Variants in C12orf42 observed in about 807,000 individuals in gnomAD.
C12orf42 encodes the protein chromosome 12 open reading frame 42.
A neutral mutation model predicts 21.6 loss-of-function variants in C12orf42; 25 were observed. The ratio of observed to expected loss-of-function variants is 1.16; its 90% confidence interval spans 0.84 to 1.62. The LOEUF (loss-of-function observed/expected upper bound fraction) is 1.62. Ranked by LOEUF, C12orf42 falls within the 40% of genes most tolerant of loss-of-function variation. The probability of loss-of-function intolerance (pLI) is 0.00; values close to 1 mark genes in which losing one functional copy is unlikely to be tolerated. For missense variants in C12orf42, 483 were observed against 459.3 expected (o/e 1.05, Z -0.47); for synonymous variants, 174 against 175.0 (o/e 0.99, Z 0.05).
At chr12:103,553,867 C>T in the C12orf42 span, among the ~76,000 whole-genome samples, 1 of 152,114 alleles carries the variant, frequency 6.6e-6, no homozygotes, top group East Asian at 1.9e-4. Context: ...AGGGACAGAC[C>T]CAGGACTCAG....
chr12:103,528,737 G>C, the C12orf42 span, among the ~76,000 whole-genome samples: 1 of 152,112 alleles, frequency 6.6e-6, no homozygotes, highest in Non-Finnish European at 1.5e-5. Context: ...ATAAATTTGA[G>C]TTTTTTTCCT....
chr12:103,139,693 T>C, the C12orf42 span, among the ~76,000 whole-genome samples: 2 of 152,192 alleles, frequency 1.3e-5, no homozygotes. Context: ...ACGCTGGAGA[T>C]GGCACTGGGT....
chr12:103,142,377 A>G, the C12orf42 span, among the ~76,000 whole-genome samples: 1 of 152,248 alleles, frequency 6.6e-6, no homozygotes, highest in African/African-American at 2.4e-5. Context: ...ACTTAAAAAC[A>G]GAACAGAACA....
the C12orf42 span, among the ~76,000 whole-genome samples, chr12:103,208,541 G>A: frequency 8.1e-4 from 123 of 152,158 alleles, no homozygotes; most frequent in Admixed American, 2.1e-3. Flanking sequence ...CAGAGGAAGC[G>A]TTACATTATG....
At chr12:103,560,598 T>C in the C12orf42 span, among the ~76,000 whole-genome samples, 1 of 152,194 alleles carries the variant, frequency 6.6e-6, no homozygotes, top group East Asian at 1.9e-4. Context: ...TTCATTAAAT[T>C]CTCAAAGTGG....
At chr12:103,269,946 A>G (rs1030307888) in intron 5 of C12orf42, 1 of 152,146 alleles carries the variant, frequency 6.6e-6, no homozygotes, top group Non-Finnish European at 1.5e-5. Flanking sequence ...GCCGTTTACA[A>G]CCTTCCAGCT....
chr12:103,350,409 C>T (rs530197098), intron 4 of C12orf42, among the ~76,000 whole-genome samples: 3 of 152,258 alleles, frequency 2.0e-5, no homozygotes, highest in South Asian at 2.1e-4. Context: ...GTCACAATAT[C>T]GCAGTGCTTG....
chr12:103,496,776 C>A (rs868737537), upstream of C12orf42, among the ~76,000 whole-genome samples: 4 of 146,740 alleles, frequency 2.7e-5, no homozygotes, highest in East Asian at 2.0e-4. Context: ...CCCTCCCCAC[C>A]ACCCCACACA....
rs766505580 is a variant in C12orf42, at chr12:103,381,120, A to G, written c.148-12122T>C. Among the ~76,000 whole-genome samples the G allele has an allele frequency of 3.9e-5, 6 of 152,358 alleles. No homozygotes were observed. In the East Asian group the frequency reaches 1.2e-3, roughly 29 times the overall value. Reference sequence around the variant, plus strand: ...ACTATCCTGAAGCAAAAGGAAATGTATTAGGACTCGTCAGAGTAGTTACAC... The same window carrying G: ...ACTATCCTGAAGCAAAAGGAAATGTGTTAGGACTCGTCAGAGTAGTTACAC... On this transcript the variant is annotated intron_variant, in intron 3 of 5. Coordinates refer to ENST00000548883, the MANE Select transcript of C12orf42 (RefSeq NM_198521.5).
chr12:103,403,448 G>T (rs568708240), intron 2 of C12orf42, among the ~76,000 whole-genome samples: 110 of 152,266 alleles, frequency 7.2e-4, no homozygotes, highest in African/African-American at 2.5e-3. Context: ...GTGTCACAAG[G>T]TGTGGAGCCA....
chr12:103,505,498 G>A, the C12orf42 span: 907 of 388,154 alleles, frequency 2.3e-3, 4 homozygotes, highest in South Asian at 5.4e-3. Context: ...TGGTAGGGAC[G>A]GCATTTACTG....
chr12:103,364,809 A>G (rs2044450500), intron 4 of C12orf42, among the ~76,000 whole-genome samples: 1 of 152,088 alleles, frequency 6.6e-6, no homozygotes, highest in African/African-American at 2.4e-5. Flanking sequence ...TGAACAGAAC[A>G]ATAACAAGCA....
At chr12:103,419,252 T>A (rs1345945929) in intron 2 of C12orf42, among the ~76,000 whole-genome samples, 1 of 152,070 alleles carries the variant, frequency 6.6e-6, no homozygotes, top group Non-Finnish European at 1.5e-5. Context: ...TTAAAAAAAT[T>A]GTAAAGGAGT....
chr12:103,472,975 G>A (rs183528046), intron 2 of C12orf42, among the ~76,000 whole-genome samples: 1 of 152,254 alleles, frequency 6.6e-6, no homozygotes. Flanking sequence ...AGGGCTTTTA[G>A]TTCTGCATCA....
At chr12:103,455,532 C>T (rs1437437796) in intron 2 of C12orf42, among the ~76,000 whole-genome samples, 3 of 152,132 alleles carry the variant, frequency 2.0e-5, no homozygotes, top group Non-Finnish European at 4.4e-5. Flanking sequence ...CCTGGTTTGA[C>T]ATCACCATCT....
In C12orf42 at chr12:103,308,043, T is replaced by TA. The variant is rs564362074; in HGVS notation, c.260-1699dup. Among the ~76,000 whole-genome samples, 13 of 152,230 alleles carry TA rather than the reference T, an allele frequency of 8.5e-5. No individual in the cohort carries two copies. The East Asian group carries it at 2.5e-3, about 29-fold the overall frequency. ...GGGTTTGAATCCTGATTCTACAAAA[T>TA]ACTAGTTGTGTAGCCTAGAAAAAAT... On this transcript the variant is annotated intron_variant, in intron 4 of 5. Coordinates refer to ENST00000548883, the MANE Select transcript of C12orf42 (RefSeq NM_198521.5).
chr12:103,497,856 C>G (rs1955606454), upstream of C12orf42, among the ~76,000 whole-genome samples: 1 of 152,000 alleles, frequency 6.6e-6, no homozygotes, highest in Non-Finnish European at 1.5e-5. Context: ...ATGGTGAAAT[C>G]CCGTCTCTAC....
At chr12:103,198,027 A>G in the C12orf42 span, among the ~76,000 whole-genome samples, 2 of 152,224 alleles carry the variant, frequency 1.3e-5, no homozygotes, top group Non-Finnish European at 2.9e-5. Context: ...CAGAGGCAGC[A>G]GGATCCACAG....
At chr12:103,274,784 A>G (rs1284744326) in intron 5 of C12orf42, among the ~76,000 whole-genome samples, 1 of 152,228 alleles carries the variant, frequency 6.6e-6, no homozygotes, top group African/African-American at 2.4e-5. Context: ...ACAGAACACA[A>G]CTGGTTTAAA....
Sources: gnomAD v4.1 joint callset for allele counts (sites outside exome capture counted in the v4.1 genomes callset) on GRCh38, gnomAD v4.1.1 for gene constraint, MANE v1.5 for transcripts, NCBI Gene and HGNC (gene_info 2026-07-23, HGNC 2026-07-21) for gene names.